The following CNIH4 variants were observed in gnomAD, a reference collection of about 807,000 sequenced individuals.
CNIH4 encodes the protein cornichon family member 4, also known as protein cornichon homolog 4.
CNIH4 carries 9 observed loss-of-function variants against 21.5 expected under a neutral mutation model. The observed-to-expected ratio is 0.42, with a 90% CI of 0.25 to 0.73. The LOEUF (loss-of-function observed/expected upper bound fraction) is 0.73, where lower values mean the gene tolerates loss of function less well. CNIH4 is among the 30% of genes least tolerant of loss of function. The probability of loss-of-function intolerance (pLI) is 0.27; values close to 1 mark genes in which losing one functional copy is unlikely to be tolerated. For synonymous variants in CNIH4, 67 were observed against 59.1 expected, an observed-to-expected ratio of 1.13 and a Z score of -0.61; for missense variants, 159 against 170.0, an observed-to-expected ratio of 0.94 and a Z score of 0.36.
At chr1:224,362,850 T>G (rs1244528542) in intron 2 of CNIH4, among the ~76,000 whole-genome samples, 2 of 151,966 alleles carry the variant, frequency 1.3e-5, no homozygotes, top group African/African-American at 4.8e-5. Context: ...ATATGGGAAA[T>G]TTTCTTGTAT....
rs1469795992 is a variant in CNIH4, at chr1:224,377,461, T to G, written c.*1639T>G. 2 of 151,914 alleles carry G rather than the reference T, an allele frequency of 1.3e-5. No individual in the cohort carries two copies. Among genetic ancestry groups the G allele is most frequent in the Admixed American group, 6.6e-5 (1 of 15,232 alleles). The allele number at this position is 151,914 out of a possible 1,614,324, so 9.4% of individuals were successfully genotyped here. A position where few individuals can be genotyped will look rare whatever the true frequency, so the allele number is the denominator to read the frequency against. On this transcript the variant is annotated 3_prime_UTR_variant, in exon 5 of 5. Coordinates refer to ENST00000465271, the MANE Select transcript of CNIH4 (RefSeq NM_014184.4). ...AACTTAAATCCTTGCAACTGAGAGA[T>G]AAGCTACTTAAAGGCGGTAGAGATC...
chr1:224,369,383 G>T (rs566685701), intron 3 of CNIH4, among the ~76,000 whole-genome samples: 4 of 152,182 alleles, frequency 2.6e-5, no homozygotes, highest in African/African-American at 9.6e-5. Context: ...GACCATCTTG[G>T]CCAACACGGG....
rs58139148 is a variant in CNIH4, at chr1:224,361,765, T to C, written c.138+1202T>C. Among the ~76,000 whole-genome samples, 7 of 151,564 alleles carry C rather than the reference T, an allele frequency of 4.6e-5. No individual in the cohort carries two copies. In the East Asian group the frequency reaches 1.4e-3, roughly 30 times the overall value. On this transcript the variant is annotated intron_variant, in intron 2 of 4. Coordinates refer to ENST00000465271, the MANE Select transcript of CNIH4 (RefSeq NM_014184.4). ...ACCTGGCTGATTTTTAAAATTTTTT[T>C]GTAGAGACAGGGTTTCACTATGTTG...
Position 224,377,014 on chromosome 1 carries a change from G to A in CNIH4, c.*1192G>A. 1 of 629,332 alleles carries A rather than the reference G, an allele frequency of 1.6e-6. No individual in the cohort carries two copies. The highest frequency in any genetic ancestry group is 2.0e-6 in the Non-Finnish European group (1 of 504,940). The allele number at this position is 629,332 out of a possible 1,614,324, so 39.0% of individuals were successfully genotyped here. ...ATAGAATTGGGTGGCTAAACAGGGT[G>A]TGTGGTACCCAAAAGATTAAATGTT... On this transcript the variant is annotated 3_prime_UTR_variant, in exon 5 of 5. Transcript: ENST00000465271.
chr1:224,378,915 C>T lies in CNIH4; in HGVS notation c.*3093C>T, dbSNP rs1672847042. ...AACTGGGAACATCTGAATGCTGAGG[C>T]TTAGTCCAGTGTTCTCTCTCCCTTA... On this transcript the variant is annotated 3_prime_UTR_variant, in exon 5 of 5. Coordinates refer to ENST00000465271, the MANE Select transcript of CNIH4 (RefSeq NM_014184.4). 1.4e-6 allele frequency: 1 copy of T among 699,152 alleles called. No individual in the cohort carries two copies. Among genetic ancestry groups the T allele is most frequent in the Non-Finnish European group, 2.6e-6 (1 of 391,442 alleles). The allele number at this position is 699,152 out of a possible 1,614,324, so 43.3% of individuals were successfully genotyped here.
chr1:224,360,570 C>T lies in CNIH4; in HGVS notation c.138+7C>T. The T allele has an allele frequency of 7.0e-7, 1 of 1,427,794 alleles. No homozygotes were observed. Among genetic ancestry groups the T allele is most frequent in the Non-Finnish European group, 9.4e-7 (1 of 1,067,814 alleles). The allele number at this position is 1,427,794 out of a possible 1,614,324, so 88.4% of individuals were successfully genotyped here. The stretch of plus-strand genomic sequence containing the variant: ...TTGCTCAAAATTAAACAAGGTAAGA[C>T]ATTTCTTTGCTCATTCTCTGGCATT... On this transcript the variant is annotated splice_region_variant and intron_variant, in intron 2 of 4. Transcript: ENST00000465271.
chr1:224,360,639 G>T (rs1371017705), intron 2 of CNIH4, 76 bp downstream of exon 2: 3 of 707,190 alleles, frequency 4.2e-6, no homozygotes, highest in South Asian at 3.2e-5. Flanking sequence ...ATAGATAACA[G>T]ATGTATTTTT....
At position 224,376,950 on chromosome 1, in the gene CNIH4, C is replaced by T. The variant is rs1030256881; in HGVS notation, c.*1128C>T. 3 of 974,714 alleles carry T rather than the reference C, an allele frequency of 3.1e-6. No individual in the cohort carries two copies. The highest frequency in any genetic ancestry group is 3.7e-6 in the Non-Finnish European group (3 of 820,216). 60.4% of individuals were successfully genotyped at this position (974,714 alleles called of 1,614,324 possible). ...CATTTGGGCAAAACATGACTGTGTT[C>T]TGTGGGAGAATCCAAAGGCATTATT... On this transcript the variant is annotated 3_prime_UTR_variant, in exon 5 of 5. Coordinates refer to ENST00000465271, the MANE Select transcript of CNIH4 (RefSeq NM_014184.4).
chr1:224,359,541 T>G (rs1300187062), intron 1 of CNIH4, among the ~76,000 whole-genome samples: 2 of 152,170 alleles, frequency 1.3e-5, no homozygotes, highest in Non-Finnish European at 2.9e-5. Context: ...AAGATCAATC[T>G]GTGGAGAAAG....
At position 224,378,966 on chromosome 1, in the gene CNIH4, A is replaced by G. The variant is rs1305803645; in HGVS notation, c.*3144A>G. ...CCACTCCTCTTCCCCTTCCCTCTAT[A>G]ATGGCAGTACCCAGGGCCCGGTCCA... is the stretch of plus-strand genomic sequence containing the variant. On this transcript the variant is annotated 3_prime_UTR_variant, in exon 5 of 5. Coordinates refer to ENST00000465271, the MANE Select transcript of CNIH4 (RefSeq NM_014184.4). 1 of 1,114,894 alleles carries G rather than the reference A, an allele frequency of 9.0e-7. No individual in the cohort carries two copies. Among genetic ancestry groups the G allele is most frequent in the Non-Finnish European group, 1.3e-6 (1 of 750,322 alleles). 69.1% of individuals were successfully genotyped at this position (1,114,894 alleles called of 1,614,324 possible). A position where few individuals can be genotyped will look rare whatever the true frequency, so the allele number is the denominator to read the frequency against.
At chr1:224,359,960 C>T (rs979852604) in intron 1 of CNIH4, among the ~76,000 whole-genome samples, 3 of 152,096 alleles carry the variant, frequency 2.0e-5, no homozygotes, top group South Asian at 2.1e-4. Context: ...AGTGAAACCC[C>T]GTCTCTACTA....
At position 224,376,250 on chromosome 1, in the gene CNIH4, T is replaced by C. The variant is rs189075318; in HGVS notation, c.*428T>C. 1.0e-5 allele frequency: 10 copies of C among 988,170 alleles called. No homozygotes were observed. In the Admixed American group the frequency reaches 3.7e-4, roughly 36 times the overall value. The allele number at this position is 988,170 out of a possible 1,614,324, so 61.2% of individuals were successfully genotyped here. On this transcript the variant is annotated 3_prime_UTR_variant, in exon 5 of 5. Transcript: ENST00000465271. ...TTGATCTGGACAAAAGAAGAAAAAT[T>C]ACCCTTTTTGCTTGTGTTGTGACAA...
chr1:224,365,342 G>A (rs1396436827), intron 2 of CNIH4, among the ~76,000 whole-genome samples: 1 of 152,214 alleles, frequency 6.6e-6, no homozygotes, highest in African/African-American at 2.4e-5. Context: ...AAGCCGATAG[G>A]CCAGGATTCT....
intron 2 of CNIH4, among the ~76,000 whole-genome samples, chr1:224,362,232 C>A (rs112243657): frequency 6.6e-6 from 1 of 151,880 alleles, no homozygotes; most frequent in Non-Finnish European, 1.5e-5. Flanking sequence ...AGGCGCCCAC[C>A]ACCACGCCCG....
chr1:224,371,298 G>A lies in CNIH4; in HGVS notation c.267G>A (p.Pro89=), dbSNP rs1396381468. The change falls in exon 4 of 5, where the codon CCG becomes CCA. Residue 89 remains proline (P), a synonymous_variant. Transcript: ENST00000465271. ...AATTTATCAGATACATTATGGTGCCGAGTGGTAACATGGGAGTGTTTGATC... is the reference window on the plus strand; with the variant it reads ...AATTTATCAGATACATTATGGTGCCAAGTGGTAACATGGGAGTGTTTGATC... The part of the protein sequence containing the change: ...TWNIYRYIMV[P]SGNMGVFDPT... 5 of 1,613,694 alleles carry A rather than the reference G, an allele frequency of 3.1e-6. No homozygotes were observed. The highest frequency in any genetic ancestry group is 2.5e-6 in the Non-Finnish European group (3 of 1,179,886).
chr1:224,362,085 A>ATTT (rs35913393), intron 2 of CNIH4, among the ~76,000 whole-genome samples: 1 of 145,418 alleles, frequency 6.9e-6, no homozygotes, highest in East Asian at 2.0e-4. Flanking sequence ...GTACCATGCC[A>ATTT]TTTTTTTTTT....
intron 3 of CNIH4, among the ~76,000 whole-genome samples, chr1:224,369,632 G>T (rs1244645684): frequency 6.6e-6 from 1 of 151,302 alleles, no homozygotes; most frequent in Non-Finnish European, 1.5e-5. Context: ...TAACACAAAG[G>T]ATAAATGCTT....
rs1672853134 is a variant in CNIH4 at position 224,379,108 on chromosome 1, GAGAA to G, written c.*3291_*3294del. 1.3e-6 allele frequency: 2 copies of G among 1,550,404 alleles called. No homozygotes were observed. Among genetic ancestry groups the G allele is most frequent in the Non-Finnish European group, 1.7e-6 (2 of 1,146,928 alleles). On this transcript the variant is annotated 3_prime_UTR_variant, in exon 5 of 5. Coordinates refer to ENST00000465271, the MANE Select transcript of CNIH4 (RefSeq NM_014184.4). ...CTTGCTAATCACCGTAACCTCGGCT[GAGAA>G]AGAAGAGGAAGCGAAATCCAAGATG... is the stretch of plus-strand genomic sequence containing the variant.
intron 2 of CNIH4, among the ~76,000 whole-genome samples, chr1:224,362,852 T>G (rs1451847674): frequency 6.6e-6 from 1 of 152,104 alleles, no homozygotes; most frequent in Non-Finnish European, 1.5e-5. Flanking sequence ...ATGGGAAATT[T>G]TCTTGTATTC....
Sources: gnomAD v4.1 joint callset for allele counts (sites outside exome capture counted in the v4.1 genomes callset) on GRCh38, gnomAD v4.1.1 for gene constraint, MANE v1.5 for transcripts, NCBI Gene and HGNC (gene_info 2026-07-23, HGNC 2026-07-21) for gene names.